Variants in ARHGAP21 observed in about 807,000 individuals in gnomAD.
The protein encoded by ARHGAP21 is Rho GTPase activating protein 21.
ARHGAP21 carries 38 observed loss-of-function variants against 164.6 expected under a neutral mutation model. That is an observed-to-expected ratio of 0.23 (90% CI 0.18 to 0.30). The LOEUF (loss-of-function observed/expected upper bound fraction) is 0.30. ARHGAP21 is among the 10% of genes least tolerant of loss of function. The pLI is 1.00. For missense variants in ARHGAP21, 1,822 were observed against 2,370.7 expected (o/e 0.77, Z 4.81); for synonymous variants, 766 against 857.9 (o/e 0.89, Z 1.87).
chr10:24,631,815 A>T (rs1397105513), intron 6 of ARHGAP21, among the ~76,000 whole-genome samples: 1 of 151,934 alleles, frequency 6.6e-6, no homozygotes, highest in Non-Finnish European at 1.5e-5. Context: ...CACTTGACTG[A>T]CCTCCTGGAC....
chr10:24,697,583 A>G (rs1039930113), intron 2 of ARHGAP21, among the ~76,000 whole-genome samples: 1 of 152,230 alleles, frequency 6.6e-6, no homozygotes, highest in Non-Finnish European at 1.5e-5. Context: ...CTGGCCAGGC[A>G]CGGTGGTTCA....
At chr10:24,596,257 G>A in intron 17 of ARHGAP21, 1 of 457,198 alleles carries the variant, frequency 2.2e-6, no homozygotes, top group East Asian at 3.6e-5. Flanking sequence ...GAAAGAGAGG[G>A]ACCCCCAGAG....
chr10:24,703,294 T>C (rs990761135), intron 2 of ARHGAP21, among the ~76,000 whole-genome samples: 2 of 152,208 alleles, frequency 1.3e-5, no homozygotes, highest in African/African-American at 4.8e-5. Context: ...TCTCTTTACT[T>C]TTAATGTAAA....
chr10:24,585,211 C>T lies in ARHGAP21; in HGVS notation c.5078G>A (p.Ser1693Asn). 1 of 1,605,984 alleles carries T rather than the reference C, an allele frequency of 6.2e-7. No individual in the cohort carries two copies. The highest frequency in any genetic ancestry group is 8.5e-7 in the Non-Finnish European group (1 of 1,177,622). The change falls in exon 26 of 26, where the codon AGT becomes AAT. Residue 1693 changes from serine to asparagine, a missense_variant. Around this residue, in one of 5 missense-constraint regions of ARHGAP21, gnomAD observed 117 missense variants for 193.2 expected, o/e 0.61. Transcript: ENST00000396432. The stretch of plus-strand genomic sequence containing the variant: ...ATCACATTCGATGAGTTTATGGGAA[C>T]TGAAGAGCTGTCTCCGGCTATCTAA... ...SSLDSRRQLF[S>N]SHKLIECDTL... is the part of the protein sequence containing the mutation.
chr10:24,721,347 C>T (rs1057513358), intron 2 of ARHGAP21, among the ~76,000 whole-genome samples: 21 of 152,328 alleles, frequency 1.4e-4, no homozygotes, highest in African/African-American at 4.8e-4. Context: ...AAGCAGAGAT[C>T]TGCAGCAACA....
intron 4 of ARHGAP21, among the ~76,000 whole-genome samples, chr10:24,652,388 T>C (rs1838271610): frequency 1.3e-5 from 2 of 152,292 alleles, no homozygotes; most frequent in South Asian, 4.1e-4. Flanking sequence ...ATCTTGAAGA[T>C]GACACAGGAG....
At chr10:24,664,034 G>A (rs1314838653) in intron 4 of ARHGAP21, among the ~76,000 whole-genome samples, 2 of 152,204 alleles carry the variant, frequency 1.3e-5, no homozygotes, top group East Asian at 1.9e-4. Flanking sequence ...CTTGGGGTTT[G>A]CAGTCAGCTT....
At chr10:24,623,465 T>C (rs1429063654) in intron 7 of ARHGAP21, among the ~76,000 whole-genome samples, 2 of 152,222 alleles carry the variant, frequency 1.3e-5, no homozygotes, top group Non-Finnish European at 2.9e-5. Flanking sequence ...GCTAGCCATA[T>C]AAAATAAAAT....
chr10:24,645,886 G>T (rs901635565), intron 4 of ARHGAP21, among the ~76,000 whole-genome samples: 15 of 152,112 alleles, frequency 9.9e-5, no homozygotes, highest in Non-Finnish European at 2.2e-4. Flanking sequence ...GAGTGAGAAG[G>T]AAAGGAAGAG....
intron 21 of ARHGAP21, among the ~76,000 whole-genome samples, chr10:24,593,115 C>CAAAATGGAA (rs2076410097): frequency 6.6e-6 from 1 of 151,926 alleles, no homozygotes; most frequent in South Asian, 2.1e-4. Flanking sequence ...CTCAAAAAGC[C>CAAAATGGAA]AAAATGGAAA....
chr10:24,697,957 T>C (rs1218933647), intron 2 of ARHGAP21, among the ~76,000 whole-genome samples: 1 of 152,160 alleles, frequency 6.6e-6, no homozygotes, highest in African/African-American at 2.4e-5. Context: ...TGTACTGCAT[T>C]TGGGGGGGAA....
intron 4 of ARHGAP21, among the ~76,000 whole-genome samples, chr10:24,660,516 C>T (rs1384398773): frequency 6.6e-6 from 1 of 151,762 alleles, no homozygotes; most frequent in Non-Finnish European, 1.5e-5. Context: ...TCTGATACCC[C>T]ACCCAAAGCC....
chr10:24,706,900 A>G (rs375481263), intron 2 of ARHGAP21, among the ~76,000 whole-genome samples: 2 of 152,208 alleles, frequency 1.3e-5, no homozygotes. Context: ...TAGTCATTCA[A>G]TGAAAACACA....
chr10:24,628,751 A>ATG (rs1491450733), intron 7 of ARHGAP21, among the ~76,000 whole-genome samples: 4 of 90,408 alleles, frequency 4.4e-5, no homozygotes, highest in South Asian at 3.8e-4. Context: ...CTTGAATGAA[A>ATG]TATGTGTGTG....
intron 2 of ARHGAP21, among the ~76,000 whole-genome samples, chr10:24,691,758 A>G (rs1003087480): frequency 6.6e-6 from 1 of 150,448 alleles, no homozygotes; most frequent in African/African-American, 2.5e-5. Context: ...TAATTGGCTA[A>G]AATACAGAAA....
chr10:24,653,326 G>A (rs1215848071), intron 4 of ARHGAP21, among the ~76,000 whole-genome samples: 2 of 152,152 alleles, frequency 1.3e-5, no homozygotes, highest in Non-Finnish European at 2.9e-5. Context: ...TGTAATCCCA[G>A]CACTTTGGGA....
chr10:24,671,881 CTAATTTTTTTTTT>C (rs1840735611), intron 2 of ARHGAP21, among the ~76,000 whole-genome samples: 1 of 140,994 alleles, frequency 7.1e-6, no homozygotes, highest in Non-Finnish European at 1.5e-5. Flanking sequence ...TGTCATCAAG[CTAATTTTTTTTTT>C]TTTTTTTTTT....
intron 4 of ARHGAP21, among the ~76,000 whole-genome samples, chr10:24,665,186 T>C (rs1170778002): frequency 6.6e-6 from 1 of 152,122 alleles, no homozygotes; most frequent in African/African-American, 2.4e-5. Flanking sequence ...CAAGTAGCAT[T>C]TGGAATTCAT....
chr10:24,672,139 T>G (rs1840766415), intron 2 of ARHGAP21, among the ~76,000 whole-genome samples: 1 of 152,112 alleles, frequency 6.6e-6, no homozygotes, highest in African/African-American at 2.4e-5. Context: ...TTTCCAATTC[T>G]TTTCCTTCCA....
Sources: allele counts gnomAD v4.1 joint callset (sites outside exome capture counted in the v4.1 genomes callset), GRCh38; gene constraint gnomAD v4.1.1; regional missense constraint gnomAD v4.1.1; transcripts MANE v1.5; gene names NCBI Gene and HGNC (gene_info 2026-07-23, HGNC 2026-07-21).